MLIP: variants seen among roughly 807,000 people sequenced by gnomAD.
MLIP encodes muscular LMNA-interacting protein.
Under a neutral mutation model 84.8 loss-of-function variants are expected in MLIP, and 79 were observed. That is an observed-to-expected ratio of 0.93 (90% CI 0.78 to 1.12). MLIP has a LOEUF of 1.12. Among genes scored for constraint, MLIP ranks in the 50% most tolerant of loss-of-function variants. The probability of loss-of-function intolerance (pLI) is 0.00; values close to 1 mark genes in which losing one functional copy is unlikely to be tolerated. For synonymous variants in MLIP, 504 were observed against 463.0 expected, an observed-to-expected ratio of 1.09 and a Z score of -1.14; for missense variants, 1,257 against 1,160.6, an observed-to-expected ratio of 1.08 and a Z score of -1.21.
intron 5 of MLIP, among the ~76,000 whole-genome samples, chr6:54,151,864 G>C (rs1318878518): frequency 6.6e-6 from 1 of 152,034 alleles, no homozygotes; most frequent in African/African-American, 2.4e-5. Flanking sequence ...CTTGCAATGA[G>C]ATGTTAAGCT....
At position 54,124,597 on chromosome 6, in the gene MLIP, A is replaced by T; in HGVS notation, c.377A>T (p.Lys126Ile). Residue 126 changes from lysine to isoleucine, a missense_variant, in exon 3 of 14, where the codon AAA (lysine) becomes ATA (isoleucine). Transcript: ENST00000502396. ...CAAGAAAGGGAATTCGAAGCAAACA[A>T]ACTTCAAGGGATGCAGCAAAGTGAC... is the stretch of plus-strand genomic sequence containing the variant. ...ILQEREFEAN[K>I]LQGMQQSDLF... 1.2e-6 allele frequency: 2 copies of T among 1,614,206 alleles called. No homozygotes were observed. Among genetic ancestry groups the T allele is most frequent in the Non-Finnish European group, 1.7e-6 (2 of 1,180,026 alleles).
At chr6:54,052,732 A>G (rs913802381) in intron 1 of MLIP, among the ~76,000 whole-genome samples, 1 of 152,126 alleles carries the variant, frequency 6.6e-6, no homozygotes, top group Admixed American at 6.5e-5. Context: ...AAAAGGGGAG[A>G]GTGATAGTCC....
chr6:54,160,935 TA>T (rs1419689449), intron 8 of MLIP, 136 bp downstream of exon 8: 5 of 711,020 alleles, frequency 7.0e-6, no homozygotes, highest in Non-Finnish European at 1.2e-5. Flanking sequence ...TGTAGAATTT[TA>T]AAGATAGTAA....
intron 13 of MLIP, among the ~76,000 whole-genome samples, chr6:54,258,562 T>C (rs930726011): frequency 1.3e-5 from 2 of 152,038 alleles, no homozygotes; most frequent in Non-Finnish European, 2.9e-5. Flanking sequence ...CAAATTGCTG[T>C]CCTGGAAAAT....
chr6:54,173,418 C>T (rs1393239407), intron 9 of MLIP, among the ~76,000 whole-genome samples: 1 of 151,778 alleles, frequency 6.6e-6, no homozygotes, highest in African/African-American at 2.4e-5. Context: ...CATATTTGGT[C>T]ATATTAACAT....
intron 4 of MLIP, among the ~76,000 whole-genome samples, chr6:54,148,224 G>A (rs1227724965): frequency 8.5e-5 from 13 of 152,120 alleles, no homozygotes; most frequent in Admixed American, 7.9e-4. Flanking sequence ...TGAAGTGACA[G>A]GAGCCTTGAA....
intron 3 of MLIP, among the ~76,000 whole-genome samples, chr6:54,133,146 G>A (rs761713435): frequency 7.9e-5 from 12 of 152,126 alleles, no homozygotes; most frequent in African/African-American, 1.7e-4. Context: ...GAGGGGCTTC[G>A]TCATGAAGGA....
intron 1 of MLIP, among the ~76,000 whole-genome samples, chr6:54,103,172 C>T (rs532723990): frequency 2.6e-5 from 4 of 152,126 alleles, no homozygotes; most frequent in Admixed American, 6.6e-5. Context: ...ACACAATAAG[C>T]CCCTCATCTT....
chr6:54,141,688 G>A (rs983437909), intron 4 of MLIP, among the ~76,000 whole-genome samples: 1 of 152,100 alleles, frequency 6.6e-6, no homozygotes, highest in Non-Finnish European at 1.5e-5. Flanking sequence ...CACCCATGGA[G>A]TTGTGTCTGG....
chr6:54,056,858 G>A (rs1349089718), intron 1 of MLIP, among the ~76,000 whole-genome samples: 1 of 152,116 alleles, frequency 6.6e-6, no homozygotes, highest in Non-Finnish European at 1.5e-5. Flanking sequence ...TTTGGTATTT[G>A]CATAGAAGTT....
chr6:54,074,774 C>A (rs1055440249), intron 1 of MLIP, among the ~76,000 whole-genome samples: 2 of 152,052 alleles, frequency 1.3e-5, no homozygotes, highest in Admixed American at 1.3e-4. Flanking sequence ...GTTTTGCTGC[C>A]TTTAAAATGG....
chr6:54,189,958 C>G (rs1314706813), intron 10 of MLIP, 44 bp downstream of exon 10: 1 of 1,347,310 alleles, frequency 7.4e-7, no homozygotes, highest in Non-Finnish European at 1.1e-6. Context: ...ATTCTGATCT[C>G]TCAAGAGAGC....
At chr6:54,261,553 T>A (rs1562120365) in intron 13 of MLIP, 1 of 982,352 alleles carries the variant, frequency 1.0e-6, no homozygotes, top group Non-Finnish European at 1.2e-6. Flanking sequence ...AACATAACAA[T>A]TCTGTTAGCA....
At chr6:54,257,540 CT>C (rs1783090639) in intron 13 of MLIP, among the ~76,000 whole-genome samples, 179 bp downstream of exon 13, 1 of 152,218 alleles carries the variant, frequency 6.6e-6, no homozygotes, top group African/African-American at 2.4e-5. Flanking sequence ...TAAATTCTTG[CT>C]GCCTCTCAAT....
At chr6:54,242,953 T>C (rs1216098023) in intron 12 of MLIP, among the ~76,000 whole-genome samples, 2 of 152,212 alleles carry the variant, frequency 1.3e-5, no homozygotes, top group African/African-American at 4.8e-5. Context: ...ATTTATTCAT[T>C]TCCTAAAGAT....
chr6:54,116,312 T>C (rs1225281539), intron 1 of MLIP, among the ~76,000 whole-genome samples: 2 of 152,184 alleles, frequency 1.3e-5, no homozygotes, highest in African/African-American at 2.4e-5. Context: ...AAATTAATTA[T>C]ATCAAGAGTG....
chr6:54,237,678 TAA>T (rs572232087), intron 12 of MLIP, among the ~76,000 whole-genome samples: 24,575 of 116,146 alleles, frequency 0.21, 3,432 homozygotes, highest in African/African-American at 0.43. Flanking sequence ...AGACTGTCTC[TAA>T]AAAAAAAAAA....
intron 1 of MLIP, chr6:54,099,681 G>A (rs1199372313): frequency 1.3e-5 from 2 of 152,074 alleles, no homozygotes; most frequent in Non-Finnish European, 2.9e-5. Context: ...TTTCACCAGG[G>A]ATATCACAGA....
At chr6:54,247,382 G>C (rs1352283098) in intron 12 of MLIP, among the ~76,000 whole-genome samples, 1 of 152,064 alleles carries the variant, frequency 6.6e-6, no homozygotes, top group East Asian at 1.9e-4. Flanking sequence ...AACATAGCTG[G>C]AAGTAAAAGA....
Sources: allele counts gnomAD v4.1 joint callset (sites outside exome capture counted in the v4.1 genomes callset), GRCh38; gene constraint gnomAD v4.1.1; transcripts MANE v1.5; gene names NCBI Gene and HGNC (gene_info 2026-07-23, HGNC 2026-07-21).